The following KCNQ2 variants were observed in gnomAD, a reference collection of about 807,000 sequenced individuals.
KCNQ2 encodes the protein potassium voltage-gated channel subfamily KQT member 2.
In KCNQ2, 14 loss-of-function variants were observed where a neutral mutation model predicts 84.8. That is an observed-to-expected ratio of 0.17 (90% CI 0.11 to 0.26). The LOEUF (loss-of-function observed/expected upper bound fraction) is 0.26, where lower values mean the gene tolerates loss of function less well. Ranked by LOEUF, KCNQ2 falls within the 10% of genes least tolerant of loss-of-function variation. The pLI is 1.00. For synonymous variants in KCNQ2, 599 were observed against 554.1 expected, an observed-to-expected ratio of 1.08 and a Z score of -1.14; for missense variants, 788 against 1,254.0, an observed-to-expected ratio of 0.63 and a Z score of 5.61.
chr20:63,413,255 G>C (rs1219444698), intron 15 of KCNQ2, 195 bp downstream of exon 15: 8 of 634,364 alleles, frequency 1.3e-5, no homozygotes, highest in African/African-American at 9.2e-5. Flanking sequence ...GTGGATGGGG[G>C]AGAGATGGGA....
intron 5 of KCNQ2, among the ~76,000 whole-genome samples, chr20:63,440,076 G>C (rs2081114418): frequency 6.6e-6 from 1 of 152,244 alleles, no homozygotes; most frequent in African/African-American, 2.4e-5. Context: ...GGGACCCAGA[G>C]GAACGGGCAG....
intron 5 of KCNQ2, 55 bp downstream of exon 5, chr20:63,442,351 C>G: frequency 6.2e-7 from 1 of 1,613,242 alleles, no homozygotes; most frequent in Non-Finnish European, 8.5e-7. Context: ...GGTCCCAGCA[C>G]AGGGACAGGG....
At chr20:63,440,654 C>T (rs1284198370) in intron 5 of KCNQ2, among the ~76,000 whole-genome samples, 2 of 152,194 alleles carry the variant, frequency 1.3e-5, no homozygotes, top group African/African-American at 4.8e-5. Context: ...CCAGGACCTG[C>T]AGCCCCACCT....
At chr20:63,454,428 G>C (rs958050318) in intron 1 of KCNQ2, among the ~76,000 whole-genome samples, 1 of 152,270 alleles carries the variant, frequency 6.6e-6, no homozygotes, top group Non-Finnish European at 1.5e-5. Context: ...AAGAGCCTTG[G>C]AGGAGGGAGG....
intron 1 of KCNQ2, among the ~76,000 whole-genome samples, chr20:63,464,676 C>T (rs1344023135): frequency 2.6e-5 from 4 of 152,228 alleles, no homozygotes; most frequent in African/African-American, 9.6e-5. Flanking sequence ...GCGCCCCACA[C>T]TCCAGCTCCA....
At chr20:63,464,927 A>C (rs1490871157) in intron 1 of KCNQ2, among the ~76,000 whole-genome samples, 7 of 152,228 alleles carry the variant, frequency 4.6e-5, no homozygotes, top group African/African-American at 1.7e-4. Context: ...CCACATCCCC[A>C]GAACACTCAA....
intron 11 of KCNQ2, among the ~76,000 whole-genome samples, chr20:63,421,949 G>A (rs1278469624): frequency 2.0e-5 from 3 of 152,138 alleles, no homozygotes; most frequent in African/African-American, 2.4e-5. Context: ...CCGAGCCCCC[G>A]CCAGCCGGGT....
chr20:63,442,357 CA>C, intron 5 of KCNQ2, 48 bp downstream of exon 5: 1 of 1,613,460 alleles, frequency 6.2e-7, no homozygotes, highest in Non-Finnish European at 8.5e-7. Context: ...AGCACAGGGA[CA>C]GGGGTGTATC....
intron 4 of KCNQ2, among the ~76,000 whole-genome samples, chr20:63,444,395 G>A (rs1408473139): frequency 6.6e-6 from 1 of 152,188 alleles, no homozygotes; most frequent in African/African-American, 2.4e-5. Flanking sequence ...GGTGGCAGGG[G>A]CCAAAATGGC....
chr20:63,461,923 C>T (rs74662710), intron 1 of KCNQ2, among the ~76,000 whole-genome samples: 8,391 of 99,496 alleles, frequency 0.084, 337 homozygotes, highest in East Asian at 0.26. Flanking sequence ...GGAGGCTGCA[C>T]CTACCCCAGG....
intron 8 of KCNQ2, among the ~76,000 whole-genome samples, chr20:63,432,091 G>T (rs1171288330): frequency 3.5e-5 from 5 of 142,840 alleles, no homozygotes; most frequent in South Asian, 2.1e-4. Flanking sequence ...CCCACCCACA[G>T]GGAAGGCCCC....
chr20:63,470,882 G>A (rs1177245372), intron 1 of KCNQ2: 2 of 152,200 alleles, frequency 1.3e-5, no homozygotes, highest in African/African-American at 2.4e-5. Flanking sequence ...GGGCCACAGG[G>A]CTTCCAGGAC....
intron 7 of KCNQ2, chr20:63,437,551 C>T (rs6062934): frequency 0.19 from 29,472 of 152,244 alleles, 3,418 homozygotes; most frequent in Non-Finnish European, 0.27. Flanking sequence ...CTCCAGTCTC[C>T]GCCTTTGTGG....
At chr20:63,411,939 A>G (rs1257065134) in intron 15 of KCNQ2, 1 of 702,348 alleles carries the variant, frequency 1.4e-6, no homozygotes, top group African/African-American at 1.8e-5. Flanking sequence ...AGCCACAGGA[A>G]ATGAGGAGCT....
chr20:63,444,958 G>A (rs2081369341), intron 3 of KCNQ2, 124 bp from the exon 4 acceptor site: 1 of 1,148,644 alleles, frequency 8.7e-7, no homozygotes. Flanking sequence ...CCCAGCGCCT[G>A]GTGTGGGCTC....
In KCNQ2 at chr20:63,446,963, G is replaced by A. The variant is rs892644465; in HGVS notation, c.297-126C>T. ...GGGCACCAGCATGGCCGCGTCTCCA[G>A]AACGCAGGACCCCACTCCCCACCCA... is the stretch of plus-strand genomic sequence containing the variant. On this transcript the variant is annotated intron_variant, in intron 1 of 16. Transcript: ENST00000359125. This position sits in a 1 kb window ranked among gnomAD's most constrained non-coding sequence, Gnocchi z 5.5. 2.4e-6 allele frequency: 2 copies of A among 844,346 alleles called. No homozygotes were observed. The highest frequency in any genetic ancestry group is 3.3e-5 in the African/African-American group (2 of 59,726). 52.3% of individuals were successfully genotyped at this position (844,346 alleles called of 1,614,324 possible).
Position 63,408,795 on chromosome 20 carries a change from G to A in KCNQ2, c.1764-259C>T, listed in dbSNP as rs1173494332. On this transcript the variant is annotated intron_variant, in intron 15 of 16. Transcript: ENST00000359125. This position sits in a 1 kb window ranked among gnomAD's most constrained non-coding sequence, Gnocchi z 5.0. ...CATTAGCGAGGAGTAAAGTAAGGACGCTCCCACCAGGGCCGAGTCGCCCGG... is the reference window on the plus strand; with the variant it reads ...CATTAGCGAGGAGTAAAGTAAGGACACTCCCACCAGGGCCGAGTCGCCCGG... Among the ~76,000 whole-genome samples, 3 of 152,190 alleles carry A rather than the reference G, an allele frequency of 2.0e-5. No homozygotes were observed. The highest frequency in any genetic ancestry group is 4.8e-5 in the African/African-American group (2 of 41,458).
In KCNQ2 at chr20:63,428,377, G is replaced by C. The variant is rs1166282198; in HGVS notation, c.1207C>G (p.Leu403Val). Residue 403 changes from leucine (L) to valine (V), a missense_variant, in exon 10 of 17, where the codon CTC (leucine) becomes GTC (valine). Around this residue, in one of 8 missense-constraint regions of KCNQ2, gnomAD observed 202 missense variants for 239.4 expected, o/e 0.84. Coordinates refer to ENST00000359125, the MANE Select transcript of KCNQ2 (RefSeq NM_172107.4). The part of the protein sequence containing the change: ...LLRNLKSKSG[L>V]AFRKDPPPEP... ...AGCTCCCCAGCTGACCTGAAAGCGAGTCCAGATTTACTCTTGAGGTTCCTC... is the reference window on the plus strand; with the variant it reads ...AGCTCCCCAGCTGACCTGAAAGCGACTCCAGATTTACTCTTGAGGTTCCTC... The C allele has an allele frequency of 1.9e-6, 3 of 1,572,734 alleles. No homozygotes were observed.
At chr20:63,431,433 G>C (rs2080784796) in intron 8 of KCNQ2, 64 bp from the exon 9 acceptor site, 1 of 1,551,780 alleles carries the variant, frequency 6.4e-7, no homozygotes, top group African/African-American at 1.4e-5. Context: ...AACGGGATAA[G>C]AAAAAGAAAA....
Sources: gnomAD v4.1 joint callset for allele counts (sites outside exome capture counted in the v4.1 genomes callset) on GRCh38, gnomAD v4.1.1 for gene constraint, gnomAD v4.1.1 regional missense constraint, Gnocchi (gnomAD v3.1) non-coding constraint, MANE v1.5 for transcripts, NCBI Gene and HGNC (gene_info 2026-07-23, HGNC 2026-07-21) for gene names.